Variants in LRRC37A2 observed in about 807,000 individuals in gnomAD.
LRRC37A2 encodes leucine rich repeat containing 37 member A2.
A neutral mutation model predicts 68.8 loss-of-function variants in LRRC37A2; 9 were observed. That is an observed-to-expected ratio of 0.13 (90% confidence interval 0.08 to 0.23). LRRC37A2 has a LOEUF of 0.23. Among genes scored for constraint, LRRC37A2 ranks in the 10% least tolerant of loss-of-function variants. LRRC37A2 has a pLI of 1.00. For synonymous variants in LRRC37A2, 63 were observed against 367.6 expected (o/e 0.17, Z 9.48); for missense variants, 168 against 950.4 (o/e 0.18, Z 10.82).
chr17:47,025,140 GA>G, the LRRC37A2 span, among the ~76,000 whole-genome samples: 1 of 152,100 alleles, frequency 6.6e-6, no homozygotes, highest in Non-Finnish European at 1.5e-5. Context: ...AAAGGACTGT[GA>G]AAGAAAAAGA....
At chr17:46,877,558 G>A in the LRRC37A2 span, among the ~76,000 whole-genome samples, 1 of 152,176 alleles carries the variant, frequency 6.6e-6, no homozygotes, top group East Asian at 1.9e-4. Context: ...CCCTCCCTGT[G>A]TTCCCTGCTG....
the LRRC37A2 span, among the ~76,000 whole-genome samples, chr17:47,023,498 G>A: frequency 1.4e-5 from 2 of 147,700 alleles, no homozygotes; most frequent in Admixed American, 6.6e-5. Context: ...CTGGCCGATA[G>A]GGCGAAACCC....
the LRRC37A2 span, among the ~76,000 whole-genome samples, chr17:46,631,105 C>CACAT: frequency 1.3e-3 from 182 of 145,426 alleles, 2 homozygotes; most frequent in Non-Finnish European, 1.7e-3. Flanking sequence ...CACACACACA[C>CACAT]ATCTTTTATC....
chr17:46,875,331 C>A, the LRRC37A2 span: 18 of 1,611,752 alleles, frequency 1.1e-5, no homozygotes, highest in African/African-American at 2.1e-4. Flanking sequence ...CCTGCGGGCA[C>A]GGGCAGACGC....
chr17:46,786,282 G>A, the LRRC37A2 span, among the ~76,000 whole-genome samples: 4 of 152,118 alleles, frequency 2.6e-5, no homozygotes, highest in Admixed American at 1.3e-4. Flanking sequence ...CAGGAGAAGC[G>A]GGGGATGGAG....
chr17:46,978,389 C>CAA, the LRRC37A2 span: 262 of 373,040 alleles, frequency 7.0e-4, 1 homozygote, highest in Admixed American at 4.0e-3. Flanking sequence ...AAAAAACAAA[C>CAA]AAACAAAAAA....
At chr17:46,825,444 C>T in the LRRC37A2 span, among the ~76,000 whole-genome samples, 1 of 152,268 alleles carries the variant, frequency 6.6e-6, no homozygotes, top group Non-Finnish European at 1.5e-5. Context: ...CACACATTGA[C>T]TGCATGCCTG....
At chr17:47,013,576 G>C in the LRRC37A2 span, among the ~76,000 whole-genome samples, 4 of 152,134 alleles carry the variant, frequency 2.6e-5, no homozygotes, top group Non-Finnish European at 4.4e-5. Context: ...CTGTTGTGTG[G>C]AATGTGAACC....
At chr17:46,667,546 A>G in the LRRC37A2 span, among the ~76,000 whole-genome samples, 1 of 143,670 alleles carries the variant, frequency 7.0e-6, no homozygotes, top group South Asian at 2.1e-4. Flanking sequence ...AGTTTAAAGA[A>G]AACAAATGTT....
the LRRC37A2 span, among the ~76,000 whole-genome samples, chr17:46,383,445 GTA>G: frequency 1.8e-5 from 2 of 113,910 alleles, no homozygotes; most frequent in East Asian, 2.4e-4. Context: ...GTCACTAGCA[GTA>G]TATGAGTACC....
At chr17:46,883,038 G>A in the LRRC37A2 span, among the ~76,000 whole-genome samples, 14 of 151,952 alleles carry the variant, frequency 9.2e-5, no homozygotes, top group Non-Finnish European at 2.1e-4. Context: ...GAGTGCAGTG[G>A]CATGATCTCT....
chr17:46,828,120 G>T, the LRRC37A2 span, among the ~76,000 whole-genome samples: 11 of 152,158 alleles, frequency 7.2e-5, no homozygotes, highest in East Asian at 2.1e-3. Context: ...GAGCCACCGG[G>T]CCTGGCCAAC....
chr17:46,937,660 G>A, the LRRC37A2 span: 4 of 152,184 alleles, frequency 2.6e-5, no homozygotes, highest in East Asian at 7.7e-4. Context: ...TCTTGTTATT[G>A]AACTTCATAT....
the LRRC37A2 span, among the ~76,000 whole-genome samples, chr17:46,815,163 T>TC: frequency 1.3e-5 from 2 of 151,788 alleles, no homozygotes; most frequent in Non-Finnish European, 2.9e-5. Context: ...CATAGGTTCA[T>TC]CCCCCCACCC....
chr17:46,900,174 T>TATATATATATATATATATACAC, the LRRC37A2 span, among the ~76,000 whole-genome samples: 1 of 30,352 alleles, frequency 3.3e-5, no homozygotes, highest in Non-Finnish European at 6.1e-5. Context: ...TATACATATA[T>TATATATATATATATATATACAC]ATATATATAT....
At chr17:46,679,109 A>G in the LRRC37A2 span, among the ~76,000 whole-genome samples, 1 of 152,096 alleles carries the variant, frequency 6.6e-6, no homozygotes, top group Admixed American at 6.5e-5. Context: ...GGGTGGTAAA[A>G]CTATAAAGGA....
chr17:46,588,887 A>G, the LRRC37A2 span, among the ~76,000 whole-genome samples: 1 of 126,612 alleles, frequency 7.9e-6, no homozygotes, highest in Non-Finnish European at 1.5e-5. Context: ...CTCTACTAAA[A>G]ATACAAAAAT....
chr17:46,820,837 C>G, the LRRC37A2 span, among the ~76,000 whole-genome samples: 1 of 152,156 alleles, frequency 6.6e-6, no homozygotes, highest in African/African-American at 2.4e-5. Context: ...AGTTCCAGAG[C>G]CCCATGACAG....
chr17:46,975,336 T>A, the LRRC37A2 span: 1 of 152,212 alleles, frequency 6.6e-6, no homozygotes, highest in Non-Finnish European at 1.5e-5. Flanking sequence ...GATTTATCGG[T>A]GCATCCTGGG....
Sources: gnomAD v4.1 joint callset for allele counts (sites outside exome capture counted in the v4.1 genomes callset) on GRCh38, gnomAD v4.1.1 for gene constraint, MANE v1.5 for transcripts, NCBI Gene and HGNC (gene_info 2026-07-23, HGNC 2026-07-21) for gene names.